NAALADL2: variants seen among roughly 807,000 people sequenced by gnomAD.
NAALADL2 encodes inactive N-acetylated-alpha-linked acidic dipeptidase-like protein 2.
A neutral mutation model predicts 87.2 loss-of-function variants in NAALADL2; 76 were observed. The observed-to-expected ratio is 0.87, with a 90% confidence interval of 0.72 to 1.05. The LOEUF (loss-of-function observed/expected upper bound fraction) is 1.05. NAALADL2 is among the 50% of genes least tolerant of loss of function. The pLI, the probability that NAALADL2 is intolerant of heterozygous loss-of-function variation, is 0.00. For missense variants in NAALADL2, 1,089 were observed against 945.8 expected (o/e 1.15, Z -1.99); for synonymous variants, 354 against 331.0 (o/e 1.07, Z -0.75).
chr3:175,435,834 AC>A (rs1718543421), intron 5 of NAALADL2, among the ~76,000 whole-genome samples: 1 of 148,220 alleles, frequency 6.7e-6, no homozygotes. Context: ...ATTAACAAAG[AC>A]TTTACCTGTG....
chr3:175,147,172 T>C (rs1436956771), intron 2 of NAALADL2, among the ~76,000 whole-genome samples: 1 of 152,220 alleles, frequency 6.6e-6, no homozygotes. Context: ...TGCTGAAATT[T>C]GGAGTACCTG....
In NAALADL2 at chr3:175,810,031, T is replaced by C. The variant is rs1576891975; in HGVS notation, c.*6828T>C. 6.6e-6 allele frequency: 1 copy of C among 152,174 alleles called. No individual in the cohort carries two copies. Among genetic ancestry groups the C allele is most frequent in the East Asian group, 1.9e-4 (1 of 5,174 alleles). The allele number at this position is 152,174 out of a possible 1,614,324, so 9.4% of individuals were successfully genotyped here. ...TGAACTGTTGTGGTGTTTAGCCTTG[T>C]TCAAAATGATTTGATTATCATCTGG... is the stretch of plus-strand genomic sequence containing the variant. On this transcript the variant is annotated 3_prime_UTR_variant, in exon 14 of 14. Transcript: ENST00000454872.
chr3:175,117,068 G>A (rs1024067755), intron 2 of NAALADL2, among the ~76,000 whole-genome samples: 5 of 152,004 alleles, frequency 3.3e-5, no homozygotes, highest in Admixed American at 1.3e-4. Context: ...TACGTAGAAA[G>A]CTGAAACTGG....
At chr3:175,008,025 T>C (rs1749271314) in intron 1 of NAALADL2, among the ~76,000 whole-genome samples, 1 of 152,032 alleles carries the variant, frequency 6.6e-6, no homozygotes, top group African/African-American at 2.4e-5. Flanking sequence ...CCGGGTAGGA[T>C]TGGACAGGAT....
chr3:175,246,057 A>G (rs1747916328), intron 3 of NAALADL2, among the ~76,000 whole-genome samples: 1 of 152,198 alleles, frequency 6.6e-6, no homozygotes, highest in African/African-American at 2.4e-5. Context: ...CATGATGGAA[A>G]GCCACTGAGT....
intron 3 of NAALADL2, among the ~76,000 whole-genome samples, chr3:174,811,939 C>T (rs999308816): frequency 6.6e-6 from 1 of 152,044 alleles, no homozygotes; most frequent in Non-Finnish European, 1.5e-5. Flanking sequence ...ATGAAATCTG[C>T]CTTTTTTAAG....
At chr3:175,502,899 CAG>C (rs1391806017) in intron 9 of NAALADL2, among the ~76,000 whole-genome samples, 1 of 149,954 alleles carries the variant, frequency 6.7e-6, no homozygotes, top group Non-Finnish European at 1.5e-5. Context: ...TGTAAGAAGA[CAG>C]GCTTTTTAAT....
intron 5 of NAALADL2, among the ~76,000 whole-genome samples, chr3:175,427,598 T>C (rs1249285859): frequency 6.6e-6 from 1 of 152,188 alleles, no homozygotes; most frequent in East Asian, 1.9e-4. Flanking sequence ...CAGCTAATAA[T>C]TTAGTTGGAA....
intron 5 of NAALADL2, among the ~76,000 whole-genome samples, chr3:175,399,473 A>T (rs991192948): frequency 2.0e-5 from 3 of 152,064 alleles, no homozygotes; most frequent in African/African-American, 7.2e-5. Flanking sequence ...GACCATTTTT[A>T]TGGTTATTTC....
chr3:175,191,315 A>C (rs1007720758), intron 2 of NAALADL2, among the ~76,000 whole-genome samples: 9 of 152,232 alleles, frequency 5.9e-5, no homozygotes, highest in Non-Finnish European at 1.2e-4. Flanking sequence ...TGAGGCAATA[A>C]AAACTGAATA....
chr3:174,783,733 T>TG (rs1342688794), intron 3 of NAALADL2, among the ~76,000 whole-genome samples: 2 of 152,164 alleles, frequency 1.3e-5, no homozygotes, highest in Non-Finnish European at 2.9e-5. Flanking sequence ...AAGTCATTGT[T>TG]GCTTGAGTCT....
intron 5 of NAALADL2, among the ~76,000 whole-genome samples, chr3:175,414,560 A>G (rs1714231462): frequency 6.6e-6 from 1 of 152,156 alleles, no homozygotes; most frequent in Non-Finnish European, 1.5e-5. Context: ...ATTTTCGAAA[A>G]CGTAAAGTCA....
chr3:175,094,490 G>C (rs1253965229), intron 1 of NAALADL2, among the ~76,000 whole-genome samples: 1 of 151,840 alleles, frequency 6.6e-6, no homozygotes, highest in Non-Finnish European at 1.5e-5. Context: ...AAGTTAATCA[G>C]CTGTCACCTA....
rs117787521 is a variant in NAALADL2, at chr3:175,491,030, T to A, written c.1653+19272T>A. 9.7e-3 allele frequency among the ~76,000 whole-genome samples: 1,469 copies of A among 152,104 alleles called. 10 individuals are homozygous for A. Among genetic ancestry groups the A allele is most frequent in the African/African-American group, 0.025 (1,041 of 41,532 alleles). Reference sequence around the variant, plus strand: ...CACAAGGATGGATAGAGACTTTTTTTAAAACATTTAAATTCCTTTCCAGCA... The same window carrying A: ...CACAAGGATGGATAGAGACTTTTTTAAAAACATTTAAATTCCTTTCCAGCA... On this transcript the variant is annotated intron_variant, in intron 9 of 13. Coordinates refer to ENST00000454872, the MANE Select transcript of NAALADL2 (RefSeq NM_207015.3).
At chr3:174,463,768 T>C (rs1207725432) in intron 1 of NAALADL2, among the ~76,000 whole-genome samples, 1 of 151,812 alleles carries the variant, frequency 6.6e-6, no homozygotes, top group East Asian at 1.9e-4. Context: ...GCCTGGCTAA[T>C]TTTTTGTATT....
At chr3:174,759,561 A>G (rs1474111669) in intron 3 of NAALADL2, among the ~76,000 whole-genome samples, 1 of 152,208 alleles carries the variant, frequency 6.6e-6, no homozygotes, top group East Asian at 1.9e-4. Context: ...ACTTTGGTGG[A>G]TTAGAGGTTC....
intron 2 of NAALADL2, among the ~76,000 whole-genome samples, chr3:175,192,277 A>G (rs1306799613): frequency 2.0e-5 from 3 of 152,174 alleles, no homozygotes; most frequent in Admixed American, 1.3e-4. Flanking sequence ...GTGTTTTACT[A>G]TTGAACAAAA....
At chr3:175,565,277 A>G (rs1276662473) in intron 9 of NAALADL2, among the ~76,000 whole-genome samples, 2 of 152,228 alleles carry the variant, frequency 1.3e-5, no homozygotes, top group Non-Finnish European at 2.9e-5. Context: ...ATCTCATAGA[A>G]TTGCATTATC....
At chr3:174,920,181 T>A (rs1006848617) in intron 1 of NAALADL2, among the ~76,000 whole-genome samples, 2 of 152,156 alleles carry the variant, frequency 1.3e-5, no homozygotes, top group Admixed American at 6.6e-5. Context: ...CTGCATTAGC[T>A]CCTAACAGAA....
Sources: allele counts gnomAD v4.1 joint callset (sites outside exome capture counted in the v4.1 genomes callset), GRCh38; gene constraint gnomAD v4.1.1; transcripts MANE v1.5; gene names NCBI Gene and HGNC (gene_info 2026-07-23, HGNC 2026-07-21).